The following CNTNAP2 variants were observed in gnomAD, a reference collection of about 807,000 sequenced individuals.
CNTNAP2 encodes the protein contactin-associated protein-like 2.
A neutral mutation model predicts 155.2 loss-of-function variants in CNTNAP2; 98 were observed. The ratio of observed to expected loss-of-function variants is 0.63; its 90% CI spans 0.54 to 0.75. The LOEUF is 0.75. Ranked by LOEUF, CNTNAP2 falls within the 30% of genes least tolerant of loss-of-function variation. CNTNAP2 has a pLI of 0.00. For synonymous variants in CNTNAP2, 651 were observed against 631.2 expected (o/e 1.03, Z -0.47); for missense variants, 1,727 against 1,688.1 (o/e 1.02, Z -0.40).
intron 1 of CNTNAP2, among the ~76,000 whole-genome samples, chr7:146,122,786 TTAGCCAG>T (rs1210305779): frequency 6.6e-6 from 1 of 152,186 alleles, no homozygotes; most frequent in African/African-American, 2.4e-5. Context: ...TTTACAAACT[TTAGCCAG>T]TACACATCCA....
At chr7:146,635,352 C>A (rs1287741633) in intron 1 of CNTNAP2, among the ~76,000 whole-genome samples, 1 of 152,146 alleles carries the variant, frequency 6.6e-6, no homozygotes, top group East Asian at 1.9e-4. Context: ...TTTTCTCTTA[C>A]AACCAGCCAG....
intron 21 of CNTNAP2, among the ~76,000 whole-genome samples, chr7:148,339,220 A>C (rs1370882710): frequency 2.6e-5 from 4 of 152,004 alleles, no homozygotes; most frequent in Non-Finnish European, 4.4e-5. Flanking sequence ...AAAGGTGCTT[A>C]ACGCAGATAC....
chr7:148,013,659 G>A (rs909643605), intron 15 of CNTNAP2, among the ~76,000 whole-genome samples: 2 of 152,204 alleles, frequency 1.3e-5, no homozygotes, highest in Non-Finnish European at 2.9e-5. Flanking sequence ...GTGAGGAATA[G>A]AATTCCCCTG....
At chr7:146,229,536 T>C (rs546341808) in intron 1 of CNTNAP2, among the ~76,000 whole-genome samples, 2 of 152,216 alleles carry the variant, frequency 1.3e-5, no homozygotes, top group East Asian at 3.9e-4. Context: ...GGTTACAAGG[T>C]AATCCAGTAA....
intron 15 of CNTNAP2, among the ~76,000 whole-genome samples, chr7:148,075,313 G>A (rs116127384): frequency 2.0e-5 from 3 of 152,060 alleles, no homozygotes; most frequent in Non-Finnish European, 4.4e-5. Flanking sequence ...GGCAGGCACT[G>A]GTAATCCCAG....
intron 13 of CNTNAP2, among the ~76,000 whole-genome samples, chr7:147,708,669 C>G (rs1439291565): frequency 6.6e-6 from 1 of 152,104 alleles, no homozygotes; most frequent in Non-Finnish European, 1.5e-5. Context: ...GGGGGTCACT[C>G]ACTTACCCTT....
intron 13 of CNTNAP2, among the ~76,000 whole-genome samples, chr7:147,823,248 A>G (rs1444775335): frequency 6.6e-6 from 1 of 152,202 alleles, no homozygotes; most frequent in East Asian, 1.9e-4. Context: ...CAGGAAACCC[A>G]ATTGTAATCA....
chr7:147,492,155 G>A (rs1798620476), intron 11 of CNTNAP2, among the ~76,000 whole-genome samples: 1 of 152,204 alleles, frequency 6.6e-6, no homozygotes, highest in African/African-American at 2.4e-5. Context: ...GATGGTTCCA[G>A]ATGAAACTGT....
chr7:146,168,507 G>A (rs556773942), intron 1 of CNTNAP2, among the ~76,000 whole-genome samples: 9 of 152,188 alleles, frequency 5.9e-5, no homozygotes, highest in Admixed American at 2.0e-4. Context: ...CCCTGCCCCT[G>A]TATGTACCAT....
intron 1 of CNTNAP2, among the ~76,000 whole-genome samples, chr7:146,179,000 T>A (rs993201992): frequency 6.6e-6 from 1 of 152,230 alleles, no homozygotes; most frequent in Non-Finnish European, 1.5e-5. Flanking sequence ...AAGTTAAAGA[T>A]AACTGAGACT....
intron 3 of CNTNAP2, among the ~76,000 whole-genome samples, chr7:146,940,081 T>G (rs2129225316): frequency 6.6e-6 from 1 of 152,352 alleles, no homozygotes; most frequent in African/African-American, 2.4e-5. Flanking sequence ...GTGGCAGAAC[T>G]TATTGCCATA....
At chr7:147,563,747 T>C (rs551027277) in intron 12 of CNTNAP2, among the ~76,000 whole-genome samples, 10 of 152,234 alleles carry the variant, frequency 6.6e-5, no homozygotes, top group Non-Finnish European at 1.5e-4. Flanking sequence ...TATAGAGTTT[T>C]ATTTTGTCTT....
chr7:148,091,131 A>G (rs1803831750), intron 15 of CNTNAP2, among the ~76,000 whole-genome samples: 1 of 152,166 alleles, frequency 6.6e-6, no homozygotes, highest in Non-Finnish European at 1.5e-5. Flanking sequence ...CAAAAGGAGT[A>G]ATTTCAAGAG....
Position 146,839,886 on chromosome 7 carries a change from T to A in CNTNAP2, c.384T>A (p.His128Gln). 6.2e-7 allele frequency: 1 copy of A among 1,614,062 alleles called. No individual in the cohort carries two copies. Among genetic ancestry groups the A allele is most frequent in the Non-Finnish European group, 8.5e-7 (1 of 1,180,016 alleles). The change falls in exon 3 of 24, where the codon CAT becomes CAA. Residue 128 changes from histidine to glutamine, a missense_variant. Transcript: ENST00000361727. ...CAGGGAGAAACTGGAAACCCTATCA[T>A]CAAGATGGGAATATCTGGGTAAGTC... Reference protein sequence around the residue: ...SDTGRNWKPYHQDGNIWAFPG... With the variant: ...SDTGRNWKPYQQDGNIWAFPG...
intron 8 of CNTNAP2, among the ~76,000 whole-genome samples, chr7:147,254,858 A>C (rs946855024): frequency 6.6e-6 from 1 of 152,220 alleles, no homozygotes; most frequent in Admixed American, 6.6e-5. Flanking sequence ...GTTTCAGCAA[A>C]GACTTAATTG....
intron 8 of CNTNAP2, among the ~76,000 whole-genome samples, chr7:147,183,436 A>T (rs1190322921): frequency 6.6e-6 from 1 of 152,176 alleles, no homozygotes; most frequent in Non-Finnish European, 1.5e-5. Flanking sequence ...GACTTGGAGG[A>T]GTCCTTTACA....
intron 3 of CNTNAP2, among the ~76,000 whole-genome samples, chr7:146,851,650 C>CTGTGTGTGTG (rs71165041): frequency 1.4e-4 from 19 of 133,122 alleles, no homozygotes; most frequent in East Asian, 1.4e-3. Context: ...CATCTTTCTT[C>CTGTGTGTGTG]TGTGTGTGTG....
chr7:148,002,283 C>T (rs981574299), intron 15 of CNTNAP2, among the ~76,000 whole-genome samples: 1 of 152,100 alleles, frequency 6.6e-6, no homozygotes, highest in East Asian at 1.9e-4. Context: ...TTCAAAATGA[C>T]AGCAAAATGT....
In CNTNAP2 at chr7:148,366,190, A is replaced by G. The variant is rs62470648; in HGVS notation, c.3476-17459A>G. Among the ~76,000 whole-genome samples the G allele has an allele frequency of 1.5e-3, 107 of 70,424 alleles. 52 individuals are homozygous for G. Among genetic ancestry groups the G allele is most frequent in the African/African-American group, 9.0e-3 (93 of 10,336 alleles). 46.2% of individuals were successfully genotyped at this position (70,424 alleles called of 152,430 possible). A position where few individuals can be genotyped will look rare whatever the true frequency, so the allele number is the denominator to read the frequency against. ...TGTGTGCATGTATACATGTATGTGT[A>G]TGCATGTATATAGGTGTACATGTGT... On this transcript the variant is annotated intron_variant, in intron 21 of 23. Coordinates refer to ENST00000361727, the MANE Select transcript of CNTNAP2 (RefSeq NM_014141.6).
Sources: allele counts gnomAD v4.1 joint callset (sites outside exome capture counted in the v4.1 genomes callset), GRCh38; gene constraint gnomAD v4.1.1; transcripts MANE v1.5; gene names NCBI Gene and HGNC (gene_info 2026-07-23, HGNC 2026-07-21).